AOAH: variants seen among roughly 807,000 people sequenced by gnomAD.
The protein encoded by AOAH is acyloxyacyl hydrolase (neutrophil).
Under a neutral mutation model 92.2 loss-of-function variants are expected in AOAH, and 64 were observed. The ratio of observed to expected loss-of-function variants is 0.69; its 90% CI spans 0.57 to 0.86. The LOEUF is 0.86. AOAH is among the 40% of genes least tolerant of loss of function. AOAH has a pLI of 0.00. For synonymous variants in AOAH, 263 were observed against 254.5 expected (o/e 1.03, Z -0.32); for missense variants, 656 against 694.6 (o/e 0.94, Z 0.62).
intron 4 of AOAH, among the ~76,000 whole-genome samples, chr7:36,641,966 G>A (rs988840704): frequency 1.3e-5 from 2 of 152,136 alleles, no homozygotes; most frequent in African/African-American, 4.8e-5. Context: ...AATGATTTAA[G>A]CGTCTACCCA....
At chr7:36,514,415 A>G (rs1790218543) in intron 20 of AOAH, 1 of 1,321,178 alleles carries the variant, frequency 7.6e-7, no homozygotes, top group African/African-American at 1.5e-5. Flanking sequence ...GCCAGAGAGG[A>G]ATCCTTAGCT....
chr7:36,600,317 A>T (rs1043814396), intron 11 of AOAH, among the ~76,000 whole-genome samples: 1 of 152,188 alleles, frequency 6.6e-6, no homozygotes, highest in Non-Finnish European at 1.5e-5. Context: ...CCTCAGACAA[A>T]CAGCAGCAAA....
At chr7:36,675,692 C>T (rs536685103) in intron 2 of AOAH, among the ~76,000 whole-genome samples, 6 of 152,280 alleles carry the variant, frequency 3.9e-5, no homozygotes, top group African/African-American at 1.4e-4. Flanking sequence ...AAACCTTCCT[C>T]CGAAAGAATG....
intron 4 of AOAH, among the ~76,000 whole-genome samples, chr7:36,657,882 CTA>C (rs754526156): frequency 6.6e-6 from 1 of 152,130 alleles, no homozygotes; most frequent in African/African-American, 2.4e-5. Context: ...CTTTTTGCGA[CTA>C]TGTGTAGCTG....
rs1296157096 is a variant in AOAH, at chr7:36,556,491, T to C, written c.1022-7016A>G. ...TTGGGGTGGAGAGTTCTGTAGATGTTTATTAGGTCCACTTGGTGCAGAGCT... is the reference window on the plus strand; with the variant it reads ...TTGGGGTGGAGAGTTCTGTAGATGTCTATTAGGTCCACTTGGTGCAGAGCT... On this transcript the variant is annotated intron_variant, in intron 13 of 20. Coordinates refer to ENST00000617537, the MANE Select transcript of AOAH (RefSeq NM_001637.4). Among the ~76,000 whole-genome samples the C allele has an allele frequency of 2.8e-3, 424 of 151,858 alleles. 1 individual carries two copies. The highest frequency in any genetic ancestry group is 8.7e-3 in the African/African-American group (358 of 41,348).
At chr7:36,642,459 C>T (rs1219580654) in intron 4 of AOAH, among the ~76,000 whole-genome samples, 4 of 152,190 alleles carry the variant, frequency 2.6e-5, no homozygotes, top group African/African-American at 9.6e-5. Flanking sequence ...CCATCAGAAG[C>T]TAACCCTACT....
chr7:36,518,843 A>T (rs1347242288), intron 20 of AOAH, among the ~76,000 whole-genome samples: 1 of 152,190 alleles, frequency 6.6e-6, no homozygotes, highest in African/African-American at 2.4e-5. Flanking sequence ...ATCTGGAATC[A>T]TGCTGGGCCA....
chr7:36,723,800 T>C lies in AOAH; in HGVS notation c.127+222A>G, dbSNP rs10260324. Among the ~76,000 whole-genome samples the C allele has an allele frequency of 1.6e-3, 249 of 152,320 alleles. 1 individual carries two copies. Among genetic ancestry groups the C allele is most frequent in the African/African-American group, 5.8e-3 (242 of 41,572 alleles). On this transcript the variant is annotated intron_variant, in intron 1 of 20. Transcript: ENST00000617537. ...AATCGCCAATGAGGTGGAAGAGTTT[T>C]ATGCCCAATTTAAACTAGTATGCTT...
chr7:36,518,189 T>G (rs1456361108), intron 20 of AOAH, among the ~76,000 whole-genome samples: 1 of 49,902 alleles, frequency 2.0e-5, no homozygotes, highest in Non-Finnish European at 7.3e-5. Context: ...GTAGATCTCT[T>G]TTTTTTGTTT....
At chr7:36,701,984 C>T (rs1023245092) in intron 1 of AOAH, among the ~76,000 whole-genome samples, 4 of 152,012 alleles carry the variant, frequency 2.6e-5, no homozygotes, top group African/African-American at 7.2e-5. Flanking sequence ...TGCATCTTTA[C>T]CTTATCATAA....
In AOAH at chr7:36,608,536, G is replaced by A. The variant is rs182031899; in HGVS notation, c.846+7844C>T. Among the ~76,000 whole-genome samples, 215 of 152,340 alleles carry A rather than the reference G, an allele frequency of 1.4e-3. 1 individual carries two copies. Among genetic ancestry groups the A allele is most frequent in the East Asian group, 5.6e-3 (29 of 5,186 alleles). ...TTTAACATTTATAAAAATGATTCCC[G>A]ATTTCTGACAAGGTAGCCATCATTA... is the stretch of plus-strand genomic sequence containing the variant. On this transcript the variant is annotated intron_variant, in intron 11 of 20. Coordinates refer to ENST00000617537, the MANE Select transcript of AOAH (RefSeq NM_001637.4).
intron 13 of AOAH, among the ~76,000 whole-genome samples, chr7:36,563,435 C>T (rs1175616512): frequency 1.3e-5 from 2 of 152,150 alleles, no homozygotes; most frequent in Non-Finnish European, 2.9e-5. Flanking sequence ...TAGCATAATG[C>T]TAACCTCACT....
At position 36,686,743 on chromosome 7, in the gene AOAH, G is replaced by T; in HGVS notation, c.179C>A (p.Ser60Ter). ...VIEQLAQVHN[S>*]TVQASMERLC... ...TCTCTCCATCGAGGCCTGGACCGTC[G>T]AGTTGTGAACTTGAGCAAGCTGTTC... The change falls in exon 2 of 21, where the codon TCG (serine) becomes TAG (stop). Residue 60 changes from serine (S) to a stop codon, truncating the protein, a stop_gained. Transcript: ENST00000617537. LOFTEE classifies it high-confidence loss of function. The T allele has an allele frequency of 6.3e-7, 1 of 1,579,494 alleles. No individual in the cohort carries two copies. Among genetic ancestry groups the T allele is most frequent in the African/African-American group, 1.4e-5 (1 of 73,298 alleles).
At chr7:36,524,371 G>A (rs1387438426) in intron 19 of AOAH, among the ~76,000 whole-genome samples, 1 of 151,906 alleles carries the variant, frequency 6.6e-6, no homozygotes, top group Admixed American at 6.6e-5. Context: ...ACCCAGCCAG[G>A]TGCGGTGGCT....
chr7:36,576,491 GA>G, intron 13 of AOAH, 82 bp downstream of exon 13: 1 of 790,824 alleles, frequency 1.3e-6, no homozygotes, highest in Non-Finnish European at 2.0e-6. Context: ...CTTGTTATCT[GA>G]ATCTCAGCTT....
Position 36,724,186 on chromosome 7 carries a change from G to A in AOAH, c.-38C>T. 1 of 1,608,176 alleles carries A rather than the reference G, an allele frequency of 6.2e-7. No homozygotes were observed. The highest frequency in any genetic ancestry group is 1.1e-5 in the South Asian group (1 of 90,824). On this transcript the variant is annotated 5_prime_UTR_variant, in exon 1 of 21. Transcript: ENST00000617537. ...CACCCCAAGTGATCACCCGGCTTTG[G>A]AAGCTCCCAACTGAGGGATGCTGGA...
chr7:36,716,841 G>C (rs1799214094), intron 1 of AOAH, among the ~76,000 whole-genome samples: 1 of 151,964 alleles, frequency 6.6e-6, no homozygotes. Context: ...AGGGAGCGGG[G>C]AGGGATAGCA....
intron 1 of AOAH, among the ~76,000 whole-genome samples, chr7:36,706,075 C>G (rs1779320954): frequency 6.6e-6 from 1 of 152,132 alleles, no homozygotes; most frequent in Admixed American, 6.6e-5. Context: ...CAAGACCATT[C>G]AAGACATAGG....
chr7:36,592,903 G>GTA (rs1375658233), intron 12 of AOAH, among the ~76,000 whole-genome samples: 1 of 152,064 alleles, frequency 6.6e-6, no homozygotes, highest in Non-Finnish European at 1.5e-5. Context: ...GTTTGAAAAG[G>GTA]TATAACTACA....
Sources: gnomAD v4.1 joint callset for allele counts (sites outside exome capture counted in the v4.1 genomes callset) on GRCh38, gnomAD v4.1.1 for gene constraint, MANE v1.5 for transcripts, NCBI Gene and HGNC (gene_info 2026-07-23, HGNC 2026-07-21) for gene names.